Variants in SH3PXD2B observed in about 807,000 individuals in gnomAD.
SH3PXD2B encodes SH3 and PX domain-containing protein 2B.
In SH3PXD2B, 37 loss-of-function variants were observed where a neutral mutation model predicts 73.1. The observed-to-expected ratio is 0.51, with a 90% confidence interval of 0.39 to 0.67. The LOEUF is 0.67. Among genes scored for constraint, SH3PXD2B ranks in the 30% least tolerant of loss-of-function variants. The probability of loss-of-function intolerance (pLI) is 0.00; values close to 1 mark genes in which losing one functional copy is unlikely to be tolerated. For synonymous variants in SH3PXD2B, 457 were observed against 480.5 expected (o/e 0.95, Z 0.64); for missense variants, 1,053 against 1,197.8 (o/e 0.88, Z 1.78).
intron 12 of SH3PXD2B, among the ~76,000 whole-genome samples, chr5:172,343,097 C>A (rs576323353): frequency 2.0e-5 from 3 of 152,150 alleles, no homozygotes; most frequent in Non-Finnish European, 4.4e-5. Flanking sequence ...AATGCTGCTG[C>A]GATTAAATTA....
In SH3PXD2B at chr5:172,368,550, TATA is replaced by T. The variant is rs1188332604; in HGVS notation, c.427+5237_427+5239del. On this transcript the variant is annotated intron_variant, in intron 6 of 12. Coordinates refer to ENST00000311601, the MANE Select transcript of SH3PXD2B (RefSeq NM_001017995.3). ...ATTATATATATATATAAAATATATATATATTATATATATATAAAATATGTTATA... is the reference window on the plus strand; with the variant it reads ...ATTATATATATATATAAAATATATATTTATATATATATAAAATATGTTATA... 5.7e-3 allele frequency among the ~76,000 whole-genome samples: 127 copies of T among 22,432 alleles called. 8 individuals carry two copies. The highest frequency in any genetic ancestry group is 0.016 in the African/African-American group (47 of 2,890). The allele number at this position is 22,432 out of a possible 152,430, so 14.7% of individuals were successfully genotyped here. A position where few individuals can be genotyped will look rare whatever the true frequency, so the allele number is the denominator to read the frequency against.
At position 172,345,987 on chromosome 5, in the gene SH3PXD2B, G is replaced by C. The variant is rs2113274236; in HGVS notation, c.1188+149C>G. 2.4e-6 allele frequency: 3 copies of C among 1,248,554 alleles called. No homozygotes were observed. In the South Asian group the frequency reaches 3.7e-5, roughly 15 times the overall value. The allele number at this position is 1,248,554 out of a possible 1,614,324, so 77.3% of individuals were successfully genotyped here. On this transcript the variant is annotated intron_variant, in intron 12 of 12. Coordinates refer to ENST00000311601, the MANE Select transcript of SH3PXD2B (RefSeq NM_001017995.3). ...GCCGCTGAATTTTACACTTAAAATT[G>C]TAAACTGTATGGTATGTGAACCATA...
rs937466469 is a variant in SH3PXD2B, at chr5:172,334,336, CTA to C, written c.*4031_*4032del. ...CCTGGGACCCTCGTGGAAACTTACT[CTA>C]GTTAGGAGCAATTCCTCCAGGCCAA... is the stretch of plus-strand genomic sequence containing the variant. On this transcript the variant is annotated 3_prime_UTR_variant, in exon 13 of 13. Transcript: ENST00000311601. 3.0e-6 allele frequency: 3 copies of C among 996,676 alleles called. No individual in the cohort carries two copies. In the African/African-American group the frequency reaches 5.2e-5, roughly 17 times the overall value. The allele number at this position is 996,676 out of a possible 1,614,324, so 61.7% of individuals were successfully genotyped here.
chr5:172,419,136 G>A (rs1758892763), intron 2 of SH3PXD2B, among the ~76,000 whole-genome samples: 3 of 152,180 alleles, frequency 2.0e-5, no homozygotes, highest in African/African-American at 7.2e-5. Flanking sequence ...ACCCCAAGCT[G>A]AGCCCTGAAC....
intron 1 of SH3PXD2B, among the ~76,000 whole-genome samples, chr5:172,422,758 AGCTGCT>A (rs1186354403): frequency 6.6e-6 from 1 of 152,212 alleles, no homozygotes; most frequent in Non-Finnish European, 1.5e-5. Flanking sequence ...GCTCAGGAGA[AGCTGCT>A]GTTTTCGGCA....
chr5:172,367,436 C>G (rs577147392), intron 6 of SH3PXD2B, among the ~76,000 whole-genome samples: 1 of 150,024 alleles, frequency 6.7e-6, no homozygotes, highest in Non-Finnish European at 1.5e-5. Context: ...CCATGTTGCC[C>G]GGACTGGTCT....
chr5:172,385,482 C>T (rs1367241446), intron 4 of SH3PXD2B, among the ~76,000 whole-genome samples: 2 of 152,198 alleles, frequency 1.3e-5, no homozygotes, highest in Non-Finnish European at 2.9e-5. Context: ...CCACAAAAGG[C>T]GGCAGGGTGG....
At chr5:172,450,516 C>G (rs1759771580) in intron 1 of SH3PXD2B, among the ~76,000 whole-genome samples, 1 of 151,962 alleles carries the variant, frequency 6.6e-6, no homozygotes. Context: ...AAAATATACC[C>G]ATTTGAAAGG....
At chr5:172,420,880 G>A (rs1351252358) in intron 2 of SH3PXD2B, among the ~76,000 whole-genome samples, 1 of 152,154 alleles carries the variant, frequency 6.6e-6, no homozygotes, top group Non-Finnish European at 1.5e-5. Context: ...CACCATGGAA[G>A]GAGGGATTGG....
chr5:172,347,263 A>C lies in SH3PXD2B; in HGVS notation c.1062+20T>G. On this transcript the variant is annotated intron_variant, in intron 11 of 12. Transcript: ENST00000311601. ...GCCCTCAAGTCAGTGGCCACTCCCCAGTAGCGAGGATCCACTTACAATGGT... is the reference window on the plus strand; with the variant it reads ...GCCCTCAAGTCAGTGGCCACTCCCCCGTAGCGAGGATCCACTTACAATGGT... 1 of 1,614,008 alleles carries C rather than the reference A, an allele frequency of 6.2e-7. No individual in the cohort carries two copies. The highest frequency in any genetic ancestry group is 1.1e-5 in the South Asian group (1 of 91,080).
rs773414057 is a variant in SH3PXD2B at position 172,346,202 on chromosome 5, G to A, written c.1122C>T (p.Tyr374=). ...PIPPQVEEEY[Y]TIAEFQTTIP... The stretch of plus-strand genomic sequence containing the variant: ...TGGTTGTCTGGAATTCGGCGATGGT[G>A]TAATACTCTTCCTCCACTTGGGGCG... The change falls in exon 12 of 13, where the codon TAC becomes TAT. Residue 374 remains tyrosine, a synonymous_variant. Transcript: ENST00000311601. The A allele has an allele frequency of 2.5e-6, 4 of 1,614,178 alleles. No homozygotes were observed. The highest frequency in any genetic ancestry group is 2.2e-5 in the South Asian group (2 of 91,088).
At chr5:172,425,626 G>A (rs189006087) in intron 1 of SH3PXD2B, among the ~76,000 whole-genome samples, 7 of 152,238 alleles carry the variant, frequency 4.6e-5, no homozygotes, top group South Asian at 2.1e-4. Context: ...GGGGCTGAGC[G>A]GGGGAGGAGG....
At position 172,334,928 on chromosome 5, in the gene SH3PXD2B, G is replaced by A. The variant is rs901239503; in HGVS notation, c.*3441C>T. On this transcript the variant is annotated 3_prime_UTR_variant, in exon 13 of 13. Transcript: ENST00000311601. ...GACTTGGAAATTGATTCTATGGCGT[G>A]GCCTTGTGGCAGAGGTTTAAAATGA... The A allele has an allele frequency of 3.0e-6, 3 of 985,290 alleles. No individual in the cohort carries two copies. The highest frequency in any genetic ancestry group is 3.6e-6 in the Non-Finnish European group (3 of 829,948). 61.0% of individuals were successfully genotyped at this position (985,290 alleles called of 1,614,324 possible).
At chr5:172,364,193 G>A (rs1757458672) in intron 6 of SH3PXD2B, among the ~76,000 whole-genome samples, 1 of 152,194 alleles carries the variant, frequency 6.6e-6, no homozygotes, top group Non-Finnish European at 1.5e-5. Context: ...AGACCCCAGA[G>A]AGAAGCGGGC....
chr5:172,439,618 T>C (rs1759495350), intron 1 of SH3PXD2B, among the ~76,000 whole-genome samples: 2 of 151,746 alleles, frequency 1.3e-5, no homozygotes, highest in Non-Finnish European at 2.9e-5. Context: ...AAGTGAGATA[T>C]GTTAAGAGGA....
At chr5:172,341,795 C>T (rs1278941220) in intron 12 of SH3PXD2B, among the ~76,000 whole-genome samples, 5 of 152,112 alleles carry the variant, frequency 3.3e-5, no homozygotes, top group East Asian at 1.9e-4. Context: ...GGACTACAGG[C>T]GCCTGCCACC....
chr5:172,427,169 A>G (rs1282237416), intron 1 of SH3PXD2B, among the ~76,000 whole-genome samples: 1 of 152,252 alleles, frequency 6.6e-6, no homozygotes, highest in African/African-American at 2.4e-5. Context: ...AGCTCTAAAA[A>G]GAGAAAATTC....
chr5:172,431,303 C>T (rs575591108), intron 1 of SH3PXD2B, among the ~76,000 whole-genome samples: 6 of 152,360 alleles, frequency 3.9e-5, no homozygotes, highest in African/African-American at 1.4e-4. Flanking sequence ...CCAGCTCCAT[C>T]CAGAAGAGCT....
chr5:172,356,865 T>C (rs1370672413), intron 8 of SH3PXD2B: 1 of 152,488 alleles, frequency 6.6e-6, no homozygotes, highest in Non-Finnish European at 1.5e-5. Flanking sequence ...ACCAAGCACA[T>C]GTCCCCATCC....
Sources: allele counts gnomAD v4.1 joint callset (sites outside exome capture counted in the v4.1 genomes callset), GRCh38; gene constraint gnomAD v4.1.1; transcripts MANE v1.5; gene names NCBI Gene and HGNC (gene_info 2026-07-23, HGNC 2026-07-21).